MEGF11: variants seen among roughly 807,000 people sequenced by gnomAD.
The protein encoded by MEGF11 is multiple EGF like domains 11.
In MEGF11, 126 loss-of-function variants were observed where a neutral mutation model predicts 146.6. The observed-to-expected ratio is 0.86, with a 90% confidence interval of 0.74 to 1.00. The LOEUF is 1.00. MEGF11 is among the 50% of genes least tolerant of loss of function. The pLI, the probability that MEGF11 is intolerant of heterozygous loss-of-function variation, is 0.00. For missense variants in MEGF11, 1,509 were observed against 1,521.2 expected (o/e 0.99, Z 0.13); for synonymous variants, 532 against 583.4 (o/e 0.91, Z 1.27).
chr15:65,980,451 T>C (rs928695377), intron 7 of MEGF11, among the ~76,000 whole-genome samples: 1 of 127,728 alleles, frequency 7.8e-6, no homozygotes, highest in Non-Finnish European at 1.6e-5. Flanking sequence ...TTGCCCAGGC[T>C]GGAGTGCAGC....
chr15:66,043,949 G>C (rs1035917265), intron 5 of MEGF11, among the ~76,000 whole-genome samples: 2 of 152,166 alleles, frequency 1.3e-5, no homozygotes, highest in African/African-American at 4.8e-5. Flanking sequence ...TTATTCTTTT[G>C]CTTTTATATA....
chr15:66,163,306 A>T (rs933465630), intron 1 of MEGF11, among the ~76,000 whole-genome samples: 1 of 152,172 alleles, frequency 6.6e-6, no homozygotes, highest in East Asian at 1.9e-4. Context: ...GCACATAACC[A>T]TTACTCTATC....
intron 4 of MEGF11, among the ~76,000 whole-genome samples, chr15:66,112,681 A>C (rs1488567818): frequency 1.3e-5 from 2 of 150,522 alleles, no homozygotes; most frequent in Non-Finnish European, 2.9e-5. Flanking sequence ...ACCCCCAGAA[A>C]CTCCACACCC....
intron 5 of MEGF11, among the ~76,000 whole-genome samples, chr15:66,039,073 C>G (rs2083842967): frequency 6.6e-6 from 1 of 152,114 alleles, no homozygotes. Flanking sequence ...CTCAGCCCTA[C>G]CAAAGGAGAA....
At chr15:66,078,469 G>A (rs1268393042) in intron 5 of MEGF11, among the ~76,000 whole-genome samples, 6 of 152,352 alleles carry the variant, frequency 3.9e-5, no homozygotes, top group Middle Eastern at 3.4e-3. Context: ...GGAGGTCTGC[G>A]GTGGCCCACA....
intron 1 of MEGF11, among the ~76,000 whole-genome samples, chr15:66,156,004 C>T (rs1245832662): frequency 2.6e-5 from 4 of 152,202 alleles, no homozygotes; most frequent in Admixed American, 2.6e-4. Context: ...ATCTGGGACC[C>T]TGTGGGGAAG....
chr15:66,014,590 G>C (rs570535361), intron 5 of MEGF11, among the ~76,000 whole-genome samples: 33 of 152,268 alleles, frequency 2.2e-4, no homozygotes, highest in African/African-American at 7.9e-4. Flanking sequence ...GAGATTCCCA[G>C]GGTACCCCAG....
At chr15:66,007,715 G>A (rs2082562554) in intron 5 of MEGF11, among the ~76,000 whole-genome samples, 1 of 152,176 alleles carries the variant, frequency 6.6e-6, no homozygotes, top group Non-Finnish European at 1.5e-5. Context: ...TTGTGCCACT[G>A]CACTCCAGCC....
chr15:66,011,347 C>T (rs2082706298), intron 5 of MEGF11, among the ~76,000 whole-genome samples: 1 of 152,158 alleles, frequency 6.6e-6, no homozygotes, highest in African/African-American at 2.4e-5. Flanking sequence ...CATTGCCCAG[C>T]TATGGGACTT....
chr15:66,242,448 AAAG>A (rs1416318389), intron 1 of MEGF11, among the ~76,000 whole-genome samples: 4 of 143,636 alleles, frequency 2.8e-5, no homozygotes, highest in African/African-American at 7.6e-5. Flanking sequence ...AAAGAAGAAG[AAAG>A]AAGGACAGAT....
At chr15:66,065,433 C>A (rs1653192372) in intron 5 of MEGF11, among the ~76,000 whole-genome samples, 1 of 152,176 alleles carries the variant, frequency 6.6e-6, no homozygotes, top group South Asian at 2.1e-4. Flanking sequence ...CTTTTGTGTC[C>A]TTTGCTCTGC....
intron 15 of MEGF11, among the ~76,000 whole-genome samples, chr15:65,920,290 G>T (rs1310313410): frequency 2.0e-5 from 3 of 152,194 alleles, no homozygotes; most frequent in African/African-American, 7.2e-5. Flanking sequence ...CTCCCTTCCA[G>T]GAAGTTCCAG....
intron 1 of MEGF11, among the ~76,000 whole-genome samples, chr15:66,188,500 A>C (rs542260156): frequency 4.4e-4 from 67 of 152,178 alleles, no homozygotes; most frequent in Middle Eastern, 3.4e-3. Context: ...GCATTTAACC[A>C]CCGGTCAGAC....
chr15:65,911,318 G>C lies in MEGF11; in HGVS notation c.2829+764C>G, dbSNP rs565078088. On this transcript the variant is annotated intron_variant, in intron 21 of 25. Coordinates refer to ENST00000395614, the MANE Select transcript of MEGF11 (RefSeq NM_001385028.1). ...GGTTCAGATAAAAGAAACATTGTGAGGTGGTTATCTGAATAACAGTAGTTA... is the reference window on the plus strand; with the variant it reads ...GGTTCAGATAAAAGAAACATTGTGACGTGGTTATCTGAATAACAGTAGTTA... Among the ~76,000 whole-genome samples, 5 of 152,352 alleles carry C rather than the reference G, an allele frequency of 3.3e-5. No homozygotes were observed. The South Asian group carries it at 1.0e-3, about 32-fold the overall frequency.
At chr15:66,145,972 A>C (rs1183532632) in intron 1 of MEGF11, among the ~76,000 whole-genome samples, 1 of 152,222 alleles carries the variant, frequency 6.6e-6, no homozygotes, top group South Asian at 2.1e-4. Flanking sequence ...GCGCACAGTA[A>C]ACAGAAGCTA....
intron 10 of MEGF11, among the ~76,000 whole-genome samples, chr15:65,939,686 G>C (rs1367822523): frequency 6.6e-6 from 1 of 151,906 alleles, no homozygotes; most frequent in African/African-American, 2.4e-5. Flanking sequence ...GTAGAGACGG[G>C]GTTTCACCAT....
chr15:65,967,866 C>G (rs333555), intron 8 of MEGF11, among the ~76,000 whole-genome samples: 10,865 of 152,132 alleles, frequency 0.071, 470 homozygotes, highest in Non-Finnish European at 0.093. Context: ...ACAACACCCC[C>G]GGGCACCGTA....
intron 5 of MEGF11, among the ~76,000 whole-genome samples, chr15:66,012,442 A>G (rs9920542): frequency 0.017 from 2,616 of 152,282 alleles, 68 homozygotes; most frequent in African/African-American, 0.057. Flanking sequence ...CCAAAGCTAG[A>G]GCCAATGGGA....
At chr15:66,179,946 G>C (rs1178576034) in intron 1 of MEGF11, among the ~76,000 whole-genome samples, 1 of 151,866 alleles carries the variant, frequency 6.6e-6, no homozygotes, top group African/African-American at 2.4e-5. Context: ...AACCAGGCAA[G>C]GGTTTACCAA....
Sources: allele counts gnomAD v4.1 joint callset (sites outside exome capture counted in the v4.1 genomes callset), GRCh38; gene constraint gnomAD v4.1.1; transcripts MANE v1.5; gene names NCBI Gene and HGNC (gene_info 2026-07-23, HGNC 2026-07-21).